The following NPLOC4 variants were observed in gnomAD, a reference collection of about 807,000 sequenced individuals.
The protein encoded by NPLOC4 is nuclear protein localization protein 4 homolog.
Under a neutral mutation model 80.6 loss-of-function variants are expected in NPLOC4, and 18 were observed. The ratio of observed to expected loss-of-function variants is 0.22; its 90% CI spans 0.15 to 0.33. The LOEUF (loss-of-function observed/expected upper bound fraction) is 0.33, where lower values mean the gene tolerates loss of function less well. Among genes scored for constraint, NPLOC4 ranks in the 10% least tolerant of loss-of-function variants. The pLI is 1.00. For missense variants in NPLOC4, 540 were observed against 786.1 expected, an observed-to-expected ratio of 0.69 and a Z score of 3.74; for synonymous variants, 313 against 301.5, an observed-to-expected ratio of 1.04 and a Z score of -0.39.
intron 16 of NPLOC4, chr17:81,562,514 G>T (rs928683347): frequency 6.6e-6 from 1 of 152,168 alleles, no homozygotes; most frequent in Non-Finnish European, 1.5e-5. Context: ...ACTCCAGCCT[G>T]GGCAACAGAA....
chr17:81,623,268 G>A (rs567498832), intron 2 of NPLOC4, among the ~76,000 whole-genome samples: 1 of 149,480 alleles, frequency 6.7e-6, no homozygotes, highest in Non-Finnish European at 1.5e-5. Flanking sequence ...CCAGGAGTTC[G>A]ACACCAGCCT....
intron 13 of NPLOC4, among the ~76,000 whole-genome samples, chr17:81,569,493 C>G (rs929374713): frequency 6.6e-6 from 1 of 152,230 alleles, no homozygotes; most frequent in Non-Finnish European, 1.5e-5. Context: ...AGGAAAGGAA[C>G]GGAAGGGCCA....
chr17:81,600,281 G>T, intron 9 of NPLOC4, 60 bp downstream of exon 9: 4 of 1,249,902 alleles, frequency 3.2e-6, no homozygotes, highest in Middle Eastern at 2.4e-4. Context: ...ACTCCCCCTG[G>T]CCTGGATGCC....
At chr17:81,598,512 T>A (rs533407237) in intron 9 of NPLOC4, among the ~76,000 whole-genome samples, 3 of 152,222 alleles carry the variant, frequency 2.0e-5, no homozygotes, top group Admixed American at 6.5e-5. Flanking sequence ...AGGCACATAA[T>A]ACAAAAGGGG....
At chr17:81,597,432 C>A in intron 9 of NPLOC4, 116 bp from the exon 10 acceptor site, 1 of 778,828 alleles carries the variant, frequency 1.3e-6, no homozygotes, top group Non-Finnish European at 2.2e-6. Context: ...AGGAGAATCA[C>A]GAGGTTAAGA....
chr17:81,590,768 G>C (rs1183386464), intron 11 of NPLOC4, among the ~76,000 whole-genome samples: 1 of 152,184 alleles, frequency 6.6e-6, no homozygotes, highest in Non-Finnish European at 1.5e-5. Flanking sequence ...TGTCAAACAT[G>C]CATCAGAAAG....
chr17:81,633,953 G>A (rs1024881471), intron 1 of NPLOC4, among the ~76,000 whole-genome samples: 4 of 150,596 alleles, frequency 2.7e-5, no homozygotes, highest in Admixed American at 6.6e-5. Context: ...TGCAATCTCC[G>A]CCTCCCGGGT....
chr17:81,628,803 T>C (rs2035861710), intron 2 of NPLOC4, among the ~76,000 whole-genome samples: 1 of 151,850 alleles, frequency 6.6e-6, no homozygotes, highest in Non-Finnish European at 1.5e-5. Context: ...ATGGGAATCC[T>C]GGACACAATG....
intron 13 of NPLOC4, among the ~76,000 whole-genome samples, chr17:81,570,253 C>A (rs1241355831): frequency 6.6e-6 from 1 of 152,216 alleles, no homozygotes; most frequent in South Asian, 2.1e-4. Flanking sequence ...AGTTAGGGAT[C>A]CTGGGCCTCA....
chr17:81,591,303 C>T (rs1181191829), intron 11 of NPLOC4, among the ~76,000 whole-genome samples: 2 of 151,850 alleles, frequency 1.3e-5, no homozygotes, highest in Admixed American at 6.6e-5. Flanking sequence ...GGCATGGTGG[C>T]GTGCACCTGT....
intron 11 of NPLOC4, among the ~76,000 whole-genome samples, chr17:81,589,752 C>A (rs539579363): frequency 6.6e-5 from 10 of 151,438 alleles, no homozygotes; most frequent in Non-Finnish European, 1.2e-4. Context: ...AATCTGAGCA[C>A]TCTGAGAGGG....
intron 3 of NPLOC4, among the ~76,000 whole-genome samples, chr17:81,614,976 C>G (rs1025941592): frequency 6.6e-6 from 1 of 152,188 alleles, no homozygotes; most frequent in Admixed American, 6.5e-5. Context: ...TGCAGGCCCT[C>G]AAGGACACAC....
chr17:81,608,793 G>C lies in NPLOC4; in HGVS notation c.465C>G (p.Leu155=). 8 of 1,589,582 alleles carry C rather than the reference G, an allele frequency of 5.0e-6. No individual in the cohort carries two copies. Among genetic ancestry groups the C allele is most frequent in the Non-Finnish European group, 6.9e-6 (8 of 1,167,708 alleles). The change falls in exon 6 of 17, where the codon CTC becomes CTG. Residue 155 remains leucine, a synonymous_variant. Transcript: ENST00000331134. The part of the protein sequence containing the change: ...EPFDEDYLNH[L]EPPVKHMSFH... ...AGGACATGTGCTTCACGGGAGGCTCGAGATGGTTTAGATAGTCCTCATCGA... is the reference window on the plus strand; with the variant it reads ...AGGACATGTGCTTCACGGGAGGCTCCAGATGGTTTAGATAGTCCTCATCGA...
At chr17:81,591,026 T>C (rs904766085) in intron 11 of NPLOC4, among the ~76,000 whole-genome samples, 8 of 152,198 alleles carry the variant, frequency 5.3e-5, no homozygotes, top group Non-Finnish European at 1.2e-4. Context: ...CACTTGCCCA[T>C]GTGCTTGGTG....
chr17:81,621,344 G>C (rs897384090), intron 3 of NPLOC4, among the ~76,000 whole-genome samples: 30 of 152,282 alleles, frequency 2.0e-4, no homozygotes, highest in African/African-American at 6.7e-4. Flanking sequence ...AGTAATTTGT[G>C]AATCTAAAAG....
chr17:81,585,170 C>CAAAAAAAAAAAAAAAAAAAA (rs35473939), intron 12 of NPLOC4, among the ~76,000 whole-genome samples: 5 of 40,872 alleles, frequency 1.2e-4, no homozygotes, highest in Admixed American at 4.6e-4. Flanking sequence ...ACTCTGTCGC[C>CAAAAAAAAAAAAAAAAAAAA]AAAAAAAAAA....
chr17:81,627,270 T>C (rs977563806), intron 2 of NPLOC4, among the ~76,000 whole-genome samples: 3 of 151,696 alleles, frequency 2.0e-5, no homozygotes, highest in African/African-American at 7.3e-5. Context: ...CGGGTGCCTG[T>C]AGTCCCAGCT....
intron 12 of NPLOC4, among the ~76,000 whole-genome samples, chr17:81,578,704 C>T (rs938920465): frequency 6.6e-6 from 1 of 152,140 alleles, no homozygotes; most frequent in Non-Finnish European, 1.5e-5. Context: ...CTCACTATCA[C>T]TGAGAACAGG....
intron 11 of NPLOC4, 66 bp downstream of exon 11, chr17:81,596,050 C>A: frequency 6.6e-7 from 1 of 1,508,410 alleles, no homozygotes; most frequent in Non-Finnish European, 9.0e-7. Flanking sequence ...AAAAAGCTAC[C>A]AAAAAGAGGA....
Sources: allele counts gnomAD v4.1 joint callset (sites outside exome capture counted in the v4.1 genomes callset), GRCh38; gene constraint gnomAD v4.1.1; transcripts MANE v1.5; gene names NCBI Gene and HGNC (gene_info 2026-07-23, HGNC 2026-07-21).